Variants in EMID1 observed in about 807,000 individuals in gnomAD.
EMID1 encodes the protein EMI domain-containing protein 1.
In EMID1, 40 loss-of-function variants were observed where a neutral mutation model predicts 60.6. The observed-to-expected ratio is 0.66, with a 90% CI of 0.51 to 0.86. The LOEUF (loss-of-function observed/expected upper bound fraction) is 0.86. Ranked by LOEUF, EMID1 falls within the 40% of genes least tolerant of loss-of-function variation. EMID1 has a pLI of 0.00. For synonymous variants in EMID1, 242 were observed against 231.0 expected (o/e 1.05, Z -0.43); for missense variants, 585 against 597.1 (o/e 0.98, Z 0.21).
In EMID1 at chr22:29,215,526, G is replaced by A. The variant is rs138313621; in HGVS notation, c.216-1G>A. On this transcript the variant is annotated splice_acceptor_variant, in intron 2 of 14. Transcript: ENST00000334018. LOFTEE classifies it high-confidence loss of function. ...GCTGGGCCACCTGGGGACTCTTTCA[G>A]CTACAGAACTGTGGTGAGACCCACA... is the stretch of plus-strand genomic sequence containing the variant. The A allele has an allele frequency of 3.1e-6, 5 of 1,613,806 alleles. No individual in the cohort carries two copies. Among genetic ancestry groups the A allele is most frequent in the African/African-American group, 1.3e-5 (1 of 74,942 alleles).
At chr22:29,233,739 G>T (rs1460361820) in intron 10 of EMID1, 73 bp downstream of exon 10, 3 of 1,383,966 alleles carry the variant, frequency 2.2e-6, no homozygotes, top group Non-Finnish European at 3.0e-6. Flanking sequence ...CCATACATCT[G>T]TCCATCATCC....
chr22:29,209,143 A>G (rs1262312863), intron 1 of EMID1, among the ~76,000 whole-genome samples: 2 of 152,122 alleles, frequency 1.3e-5, no homozygotes. Flanking sequence ...ATTAGCCCCT[A>G]TCACTGTTCC....
intron 13 of EMID1, among the ~76,000 whole-genome samples, chr22:29,252,377 A>AT (rs1176046615): frequency 6.6e-6 from 1 of 152,228 alleles, no homozygotes; most frequent in Non-Finnish European, 1.5e-5. Context: ...GCTTGTAATT[A>AT]TACAATTATG....
At chr22:29,246,502 C>T (rs984099480) in intron 13 of EMID1, among the ~76,000 whole-genome samples, 2 of 152,024 alleles carry the variant, frequency 1.3e-5, no homozygotes, top group African/African-American at 4.8e-5. Context: ...GACAGACAGC[C>T]GTCGATGGAG....
In EMID1 at chr22:29,230,669, C is replaced by T. The variant is rs150691092; in HGVS notation, c.466-351C>T. Among the ~76,000 whole-genome samples, 28 of 152,186 alleles carry T rather than the reference C, an allele frequency of 1.8e-4. 1 individual carries two copies. Among genetic ancestry groups the T allele is most frequent in the African/African-American group, 5.1e-4 (21 of 41,526 alleles). On this transcript the variant is annotated intron_variant, in intron 5 of 14. Transcript: ENST00000334018. ...CACCAGGCCCCTTGGCTGGCCTGTC[C>T]GTGGTGAGACCCTGGCTCATGCCTG...
At chr22:29,253,944 C>T (rs988803485) in intron 13 of EMID1, 8 of 985,452 alleles carry the variant, frequency 8.1e-6, no homozygotes, top group Non-Finnish European at 9.6e-6. Flanking sequence ...GCAGGATTTG[C>T]GGCCTTGTCA....
At position 29,210,336 on chromosome 22, in the gene EMID1, C is replaced by T. The variant is rs532597435; in HGVS notation, c.101+4197C>T. 4.0e-5 allele frequency among the ~76,000 whole-genome samples: 6 copies of T among 150,358 alleles called. No homozygotes were observed. The East Asian group carries it at 9.8e-4, about 25-fold the overall frequency. Reference sequence around the variant, plus strand: ...TGGCGCGATCTTGGCTCACCGCAATCTCTGCCTCCTGGGTTTAAGCGATTC... The same window carrying T: ...TGGCGCGATCTTGGCTCACCGCAATTTCTGCCTCCTGGGTTTAAGCGATTC... On this transcript the variant is annotated intron_variant, in intron 1 of 14. Transcript: ENST00000334018.
At chr22:29,250,583 T>A (rs1489131641) in intron 13 of EMID1, among the ~76,000 whole-genome samples, 3 of 151,638 alleles carry the variant, frequency 2.0e-5, no homozygotes, top group Non-Finnish European at 2.9e-5. Flanking sequence ...TTTTTTTAAT[T>A]TGAGACAGAG....
Position 29,258,833 on chromosome 22 carries a change from T to C in EMID1, c.1221T>C (p.Ser407=). 1 of 1,613,132 alleles carries C rather than the reference T, an allele frequency of 6.2e-7. No individual in the cohort carries two copies. The highest frequency in any genetic ancestry group is 8.5e-7 in the Non-Finnish European group (1 of 1,179,796). Residue 407 remains serine, a synonymous_variant, in exon 15 of 15, where the codon TCT becomes TCC. Coordinates refer to ENST00000334018, the MANE Select transcript of EMID1 (RefSeq NM_133455.4). ...MIGLYEPELG[S]GAGPAGTGTP... is the part of the protein sequence containing the mutation. ...CTCCGGCAGAACCAGAGCTGGGGTC[T>C]GGGGCGGGCCCTGCCGGCACAGGCA...
At chr22:29,220,100 G>A (rs1289696352) in intron 3 of EMID1, among the ~76,000 whole-genome samples, 1 of 151,728 alleles carries the variant, frequency 6.6e-6, no homozygotes, top group Non-Finnish European at 1.5e-5. Flanking sequence ...CTCAGCCCCT[G>A]CCTGCATCCC....
intron 1 of EMID1, among the ~76,000 whole-genome samples, chr22:29,211,991 T>C (rs773190736): frequency 1.3e-5 from 2 of 152,086 alleles, no homozygotes; most frequent in Non-Finnish European, 2.9e-5. Context: ...ACACCTTTGG[T>C]TTTTTTTGTT....
At chr22:29,244,908 G>A (rs1204762724) in intron 13 of EMID1, among the ~76,000 whole-genome samples, 2 of 151,970 alleles carry the variant, frequency 1.3e-5, no homozygotes, top group Non-Finnish European at 1.5e-5. Context: ...TCTTTTTGGC[G>A]GTGGGGGGGA....
At chr22:29,229,544 G>A (rs763615453) in intron 5 of EMID1, among the ~76,000 whole-genome samples, 4 of 151,558 alleles carry the variant, frequency 2.6e-5, no homozygotes, top group East Asian at 3.9e-4. Context: ...TAGGGAGGCC[G>A]AGGCAGGAGA....
rs2239833 is a variant in EMID1, at chr22:29,224,573, T to A, written c.320-560T>A. Among the ~76,000 whole-genome samples the A allele has an allele frequency of 0.016, 2,378 of 152,298 alleles. 130 individuals carry two copies. In the East Asian group the frequency reaches 0.2, roughly 13 times the overall value. On this transcript the variant is annotated intron_variant, in intron 3 of 14. Coordinates refer to ENST00000334018, the MANE Select transcript of EMID1 (RefSeq NM_133455.4). Reference sequence around the variant, plus strand: ...TCTGGTTTTCATTTAAAACCAGGGCTGAATCCACTTCAGTCTCCTCTTACC... The same window carrying A: ...TCTGGTTTTCATTTAAAACCAGGGCAGAATCCACTTCAGTCTCCTCTTACC...
chr22:29,229,113 A>G (rs1981462121), intron 5 of EMID1, among the ~76,000 whole-genome samples: 1 of 151,482 alleles, frequency 6.6e-6, no homozygotes, highest in South Asian at 2.1e-4. Flanking sequence ...AGGCCGAAGC[A>G]GGAGGATTGC....
rs2040836601 is a variant in EMID1, at chr22:29,233,683, G to A, written c.966+17G>A. ...GGTCACATAGTGAGTAGTTCTCCTT[G>A]TACTCTCACCCATGTGTCTGTCCAT... is the stretch of plus-strand genomic sequence containing the variant. On this transcript the variant is annotated intron_variant, in intron 10 of 14. Coordinates refer to ENST00000334018, the MANE Select transcript of EMID1 (RefSeq NM_133455.4). 1 of 1,611,918 alleles carries A rather than the reference G, an allele frequency of 6.2e-7. No homozygotes were observed. Among genetic ancestry groups the A allele is most frequent in the East Asian group, 2.2e-5 (1 of 44,818 alleles).
At chr22:29,253,025 C>T (rs1252578204) in intron 13 of EMID1, among the ~76,000 whole-genome samples, 3 of 152,228 alleles carry the variant, frequency 2.0e-5, no homozygotes, top group East Asian at 1.9e-4. Context: ...TGGTCCCCAG[C>T]TTACGATGGT....
At position 29,258,841 on chromosome 22, in the gene EMID1, G is replaced by T; in HGVS notation, c.1229G>T (p.Gly410Val). 1 of 1,613,062 alleles carries T rather than the reference G, an allele frequency of 6.2e-7. No individual in the cohort carries two copies. The highest frequency in any genetic ancestry group is 8.5e-7 in the Non-Finnish European group (1 of 1,179,770). ...GAACCAGAGCTGGGGTCTGGGGCGG[G>T]CCCTGCCGGCACAGGCACCCCCAGC... Reference protein sequence around the residue: ...LYEPELGSGAGPAGTGTPSLL... With the variant: ...LYEPELGSGAVPAGTGTPSLL... Residue 410 changes from glycine (G) to valine (V), a missense_variant, in exon 15 of 15, where the codon GGC (glycine) becomes GTC (valine). Coordinates refer to ENST00000334018, the MANE Select transcript of EMID1 (RefSeq NM_133455.4).
chr22:29,205,909 C>T lies in EMID1; in HGVS notation c.-130C>T, dbSNP rs2039626194. On this transcript the variant is annotated 5_prime_UTR_variant, in exon 1 of 15. Coordinates refer to ENST00000334018, the MANE Select transcript of EMID1 (RefSeq NM_133455.4). ...CCCCGCCCGCCCGCCTCCTGCCCGC[C>T]CTCCGGCCGCGGAGCTGGAAACCGG... 3.0e-6 allele frequency: 1 copy of T among 328,224 alleles called. No individual in the cohort carries two copies. Among genetic ancestry groups the T allele is most frequent in the Admixed American group, 6.5e-5 (1 of 15,306 alleles). 20.3% of individuals were successfully genotyped at this position (328,224 alleles called of 1,614,324 possible). A position where few individuals can be genotyped will look rare whatever the true frequency, so the allele number is the denominator to read the frequency against.
Sources: gnomAD v4.1 joint callset for allele counts (sites outside exome capture counted in the v4.1 genomes callset) on GRCh38, gnomAD v4.1.1 for gene constraint, MANE v1.5 for transcripts, NCBI Gene and HGNC (gene_info 2026-07-23, HGNC 2026-07-21) for gene names.